The following ACYP2 variants were observed in gnomAD, a reference collection of about 807,000 sequenced individuals.
The protein encoded by ACYP2 is acylphosphatase 2.
Under a neutral mutation model 11.2 loss-of-function variants are expected in ACYP2, and 12 were observed. The ratio of observed to expected loss-of-function variants is 1.08; its 90% CI spans 0.69 to 1.74. ACYP2 has a LOEUF of 1.74. ACYP2 is among the 40% of genes most tolerant of loss of function. The pLI is 0.00. For missense variants in ACYP2, 134 were observed against 101.9 expected, an observed-to-expected ratio of 1.31 and a Z score of -1.35; for synonymous variants, 43 against 32.2, an observed-to-expected ratio of 1.33 and a Z score of -1.13.
At chr2:54,177,905 ATTTTTTT>A (rs1278343210) in intron 6 of ACYP2, among the ~76,000 whole-genome samples, 2 of 33,214 alleles carry the variant, frequency 6.0e-5, no homozygotes, top group African/African-American at 2.8e-4. Context: ...TTCTTTCTTT[ATTTTTTT>A]TTTTTTTTTT....
intron 6 of ACYP2, among the ~76,000 whole-genome samples, chr2:54,214,148 T>C (rs1203170184): frequency 2.0e-5 from 3 of 152,196 alleles, no homozygotes; most frequent in Admixed American, 2.0e-4. Context: ...TCGAGCTTTG[T>C]TGGATGCATA....
Position 54,169,244 on chromosome 2 carries a change from C to T in ACYP2, c.404+30496C>T, listed in dbSNP as rs147166721. ...TGGTGCCATTGGAGTTGCATGCTTG[C>T]GTTCTTGGGTCCTGGTGTGTTGTTC... On this transcript the variant is annotated intron_variant, in intron 6 of 6. Transcript: ENST00000607452. Among the ~76,000 whole-genome samples, 289 of 152,196 alleles carry T rather than the reference C, an allele frequency of 1.9e-3. 2 individuals carry two copies. The highest frequency in any genetic ancestry group is 8.5e-3 in the South Asian group (41 of 4,818).
chr2:54,244,937 G>A (rs578256578), intron 6 of ACYP2, among the ~76,000 whole-genome samples: 1 of 152,102 alleles, frequency 6.6e-6, no homozygotes, highest in South Asian at 2.1e-4. Context: ...ATGTAATATT[G>A]TTAACTATAG....
chr2:54,190,033 T>C (rs1684176330), intron 6 of ACYP2, among the ~76,000 whole-genome samples: 1 of 152,200 alleles, frequency 6.6e-6, no homozygotes, highest in African/African-American at 2.4e-5. Flanking sequence ...TAGGTCCCTT[T>C]GCCTATTTTA....
intron 6 of ACYP2, among the ~76,000 whole-genome samples, chr2:54,165,150 C>G (rs1682895939): frequency 6.6e-6 from 1 of 152,080 alleles, no homozygotes; most frequent in South Asian, 2.1e-4. Flanking sequence ...TTTGCTATTG[C>G]AAGTAGTGAA....
chr2:54,095,835 G>A (rs1304993223), intron 4 of ACYP2, among the ~76,000 whole-genome samples: 1 of 94,538 alleles, frequency 1.1e-5, no homozygotes, highest in Non-Finnish European at 2.2e-5. Context: ...CCGGGCAGAG[G>A]GGCTCCTCAC....
chr2:54,225,183 C>T (rs776572110), intron 6 of ACYP2, among the ~76,000 whole-genome samples: 3 of 152,244 alleles, frequency 2.0e-5, no homozygotes, highest in Admixed American at 6.5e-5. Flanking sequence ...AGTCCTTCGC[C>T]CTCAAGAAAT....
At chr2:54,043,815 C>A (rs892299882) in intron 2 of ACYP2, among the ~76,000 whole-genome samples, 1 of 152,090 alleles carries the variant, frequency 6.6e-6, no homozygotes, top group East Asian at 1.9e-4. Context: ...ATACATCAAC[C>A]CCTGCAGTCC....
chr2:54,231,822 T>C (rs1043499127), intron 6 of ACYP2, among the ~76,000 whole-genome samples: 1 of 152,166 alleles, frequency 6.6e-6, no homozygotes, highest in African/African-American at 2.4e-5. Context: ...AGCCTGAGGC[T>C]CCATTAGCTG....
chr2:54,218,408 A>G (rs1685647993), intron 6 of ACYP2, among the ~76,000 whole-genome samples: 2 of 152,152 alleles, frequency 1.3e-5, no homozygotes, highest in Admixed American at 1.3e-4. Flanking sequence ...TGTATTAATC[A>G]TTTATGTCTT....
intron 4 of ACYP2, among the ~76,000 whole-genome samples, chr2:54,072,519 CTTCT>C (rs1220538161): frequency 3.0e-5 from 4 of 134,926 alleles, no homozygotes; most frequent in Non-Finnish European, 4.8e-5. Context: ...CTCTTTCTTT[CTTCT>C]TTCTTTCTTT....
intron 6 of ACYP2, chr2:54,255,676 G>A (rs570413794): frequency 6.2e-7 from 1 of 1,613,866 alleles, no homozygotes; most frequent in Non-Finnish European, 8.5e-7. Context: ...CACTGGGGCT[G>A]AGAACATGGC....
At chr2:53,996,986 C>T (rs55940356) in intron 2 of ACYP2, among the ~76,000 whole-genome samples, 14,018 of 152,276 alleles carry the variant, frequency 0.092, 781 homozygotes, top group East Asian at 0.27. Context: ...GGCTGACACA[C>T]GACTAGCCCC....
rs570199852 is a variant in ACYP2, at chr2:54,038,655, A to G, written c.63-12303A>G. Among the ~76,000 whole-genome samples, 20 of 132,108 alleles carry G rather than the reference A, an allele frequency of 1.5e-4. 1 individual carries two copies. The East Asian group carries it at 4.4e-3, about 29-fold the overall frequency. 86.7% of individuals were successfully genotyped at this position (132,108 alleles called of 152,430 possible). On this transcript the variant is annotated intron_variant, in intron 2 of 6. Transcript: ENST00000607452. ...CATACAGTAGGCATTCATTCATTCA[A>G]TAAATCTTTATTGAATACTATATAT...
chr2:54,299,021 G>A (rs1689623487), intron 6 of ACYP2, among the ~76,000 whole-genome samples: 1 of 152,094 alleles, frequency 6.6e-6, no homozygotes, highest in Non-Finnish European at 1.5e-5. Flanking sequence ...CCAAAGTGCT[G>A]GGATTACAGG....
intron 4 of ACYP2, among the ~76,000 whole-genome samples, chr2:54,085,327 G>A (rs79128000): frequency 0.01 from 1,531 of 152,276 alleles, 33 homozygotes; most frequent in African/African-American, 0.035. Flanking sequence ...ACCCTGCCAC[G>A]GGACTGCGGA....
At chr2:54,040,737 A>G (rs1206795039) in intron 2 of ACYP2, among the ~76,000 whole-genome samples, 3 of 152,362 alleles carry the variant, frequency 2.0e-5, no homozygotes, top group East Asian at 3.9e-4. Context: ...TGGATATAGC[A>G]ACAGGAAAGT....
At chr2:54,026,779 C>G (rs536244285) in intron 2 of ACYP2, among the ~76,000 whole-genome samples, 1 of 152,144 alleles carries the variant, frequency 6.6e-6, no homozygotes, top group East Asian at 1.9e-4. Context: ...AATTGAAGAC[C>G]ATTATTTTAA....
intron 2 of ACYP2, among the ~76,000 whole-genome samples, chr2:54,021,651 T>C (rs914337928): frequency 4.6e-5 from 7 of 152,236 alleles, no homozygotes; most frequent in African/African-American, 1.4e-4. Flanking sequence ...CACAGTAGCA[T>C]TGTTGACATA....
Sources: allele counts gnomAD v4.1 joint callset (sites outside exome capture counted in the v4.1 genomes callset), GRCh38; gene constraint gnomAD v4.1.1; transcripts MANE v1.5; gene names NCBI Gene and HGNC (gene_info 2026-07-23, HGNC 2026-07-21).